Variants in SLC37A1 observed in about 807,000 individuals in gnomAD.
SLC37A1 encodes solute carrier family 37 member 1, also known as glucose-6-phosphate exchanger SLC37A1.
A neutral mutation model predicts 75.3 loss-of-function variants in SLC37A1; 49 were observed. That is an observed-to-expected ratio of 0.65 (90% CI 0.52 to 0.83). The LOEUF is 0.83. SLC37A1 is among the 40% of genes least tolerant of loss of function. The pLI, the probability that SLC37A1 is intolerant of heterozygous loss-of-function variation, is 0.00. For synonymous variants in SLC37A1, 268 were observed against 292.1 expected (o/e 0.92, Z 0.84); for missense variants, 566 against 695.0 (o/e 0.81, Z 2.09).
chr21:42,569,700 G>C (rs555120685), intron 17 of SLC37A1, among the ~76,000 whole-genome samples: 1 of 152,260 alleles, frequency 6.6e-6, no homozygotes, highest in East Asian at 1.9e-4. Flanking sequence ...CTCCCCATCC[G>C]CAGTGGGATT....
intron 17 of SLC37A1, 33 bp from the exon 18 acceptor site, chr21:42,574,785 C>G (rs370349859): frequency 1.2e-6 from 2 of 1,610,422 alleles, no homozygotes; most frequent in African/African-American, 1.3e-5. Flanking sequence ...TTTCTCTAAA[C>G]AGCACCATGT....
At chr21:42,578,768 A>G (rs1243472613) in intron 18 of SLC37A1, among the ~76,000 whole-genome samples, 3 of 152,182 alleles carry the variant, frequency 2.0e-5, no homozygotes, top group African/African-American at 7.2e-5. Flanking sequence ...CACCTCATAC[A>G]AGGGACTCCT....
rs2056271808 is a variant in SLC37A1, at chr21:42,574,857, C to T, written c.1463C>T (p.Pro488Leu). 4 of 1,614,160 alleles carry T rather than the reference C, an allele frequency of 2.5e-6. No individual in the cohort carries two copies. Among genetic ancestry groups the T allele is most frequent in the Non-Finnish European group, 3.4e-6 (4 of 1,180,022 alleles). ...CCCCTGCTGGCTGGGCTCCTCTCCC[C>T]GTCCGGCTGGAGCAATGTGTTTTAC... ...LGPLLAGLLS[P>L]SGWSNVFYML... is the part of the protein sequence containing the mutation. The change falls in exon 18 of 20, where the codon CCG (proline) becomes CTG (leucine). Residue 488 changes from proline to leucine, a missense_variant. Coordinates refer to ENST00000352133, the MANE Select transcript of SLC37A1 (RefSeq NM_001320537.2).
Position 42,534,837 on chromosome 21 carries a change from C to A in SLC37A1, c.271+7C>A. ...TGTGGCTGGGCACCGTTTGGTAAGT[C>A]GATTATCGGTCCGTCCAGGAGCCGA... On this transcript the variant is annotated splice_region_variant and intron_variant, in intron 4 of 19. Transcript: ENST00000352133. 6.2e-7 allele frequency: 1 copy of A among 1,613,002 alleles called. No homozygotes were observed. The highest frequency in any genetic ancestry group is 2.2e-5 in the East Asian group (1 of 44,856).
At chr21:42,551,008 G>A (rs988622375) in intron 9 of SLC37A1, among the ~76,000 whole-genome samples, 4 of 152,200 alleles carry the variant, frequency 2.6e-5, no homozygotes, top group Non-Finnish European at 4.4e-5. Context: ...CTGAGATCAG[G>A]AACAAGACTA....
At chr21:42,567,126 G>C in intron 16 of SLC37A1, 68 bp downstream of exon 16, 2 of 1,547,686 alleles carry the variant, frequency 1.3e-6, no homozygotes, top group Non-Finnish European at 1.8e-6. Flanking sequence ...GACAAAAGTG[G>C]CCTCCATTAC....
At chr21:42,526,757 C>T (rs2054805797) in intron 3 of SLC37A1, among the ~76,000 whole-genome samples, 1 of 152,206 alleles carries the variant, frequency 6.6e-6, no homozygotes, top group African/African-American at 2.4e-5. Context: ...AAAATTCCCC[C>T]TTGGCCCCTG....
In SLC37A1 at chr21:42,515,866, T is replaced by G. The variant is rs113660297; in HGVS notation, c.-179+1149T>G. Among the ~76,000 whole-genome samples the G allele has an allele frequency of 9.5e-3, 1,449 of 152,274 alleles. 13 individuals carry two copies. Among genetic ancestry groups the G allele is most frequent in the African/African-American group, 0.017 (704 of 41,562 alleles). On this transcript the variant is annotated intron_variant, in intron 1 of 19. Coordinates refer to ENST00000352133, the MANE Select transcript of SLC37A1 (RefSeq NM_001320537.2). Reference sequence around the variant, plus strand: ...CTCCGCTTCCCAGGTTCAAGTGATTTTCATGCCTCAGCCACCCGAGTAGCT... The same window carrying G: ...CTCCGCTTCCCAGGTTCAAGTGATTGTCATGCCTCAGCCACCCGAGTAGCT...
Position 42,514,194 on chromosome 21 carries a change from C to T in SLC37A1, c.-702C>T, listed in dbSNP as rs2146692348. On this transcript the variant is annotated 5_prime_UTR_variant, in exon 1 of 20. Coordinates refer to ENST00000352133, the MANE Select transcript of SLC37A1 (RefSeq NM_001320537.2). The surrounding 1 kb of genome is among the most constrained non-coding windows in gnomAD (Gnocchi z 4.8). ...GCGGAGGGAAGTCTTTGAAATACGA[C>T]ATCTAGAAGAGTGGCCCTCGGCGAC... 1 of 152,158 alleles carries T rather than the reference C, an allele frequency of 6.6e-6. No individual in the cohort carries two copies. The highest frequency in any genetic ancestry group is 1.5e-5 in the Non-Finnish European group (1 of 67,976). The allele number at this position is 152,158 out of a possible 1,614,324, so 9.4% of individuals were successfully genotyped here.
chr21:42,523,266 T>C (rs1398092309), intron 2 of SLC37A1, among the ~76,000 whole-genome samples: 1 of 152,138 alleles, frequency 6.6e-6, no homozygotes, highest in Non-Finnish European at 1.5e-5. Context: ...CCTGAGAACT[T>C]TGTTCACCTG....
intron 2 of SLC37A1, among the ~76,000 whole-genome samples, chr21:42,524,980 A>T (rs1209750626): frequency 6.6e-6 from 1 of 152,116 alleles, no homozygotes; most frequent in East Asian, 1.9e-4. Flanking sequence ...GAGCCCGCAG[A>T]GGTGGAGTGG....
At chr21:42,579,314 C>T (rs1295296816) in intron 18 of SLC37A1, among the ~76,000 whole-genome samples, 1 of 152,202 alleles carries the variant, frequency 6.6e-6, no homozygotes, top group Non-Finnish European at 1.5e-5. Flanking sequence ...TTTAGAGTCA[C>T]CTGAGAAGCT....
intron 17 of SLC37A1, among the ~76,000 whole-genome samples, chr21:42,572,588 T>A (rs2056204354): frequency 6.6e-6 from 1 of 150,716 alleles, no homozygotes; most frequent in Non-Finnish European, 1.5e-5. Flanking sequence ...TGTTTACTGA[T>A]GTTTCTCTGC....
At chr21:42,554,409 G>T (rs1272305874) in intron 10 of SLC37A1, among the ~76,000 whole-genome samples, 1 of 152,210 alleles carries the variant, frequency 6.6e-6, no homozygotes, top group Non-Finnish European at 1.5e-5. Context: ...TGGGGGCGGT[G>T]CTGGTGTAGA....
Position 42,547,554 on chromosome 21 carries a change from TCTC to T in SLC37A1, c.768+415_768+417del, listed in dbSNP as rs886809110. The T allele has an allele frequency of 5.7e-4, 108 of 190,052 alleles. No homozygotes were observed. Among genetic ancestry groups the T allele is most frequent in the African/African-American group, 2.3e-3 (100 of 42,576 alleles). 11.8% of individuals were successfully genotyped at this position (190,052 alleles called of 1,614,324 possible). A position where few individuals can be genotyped will look rare whatever the true frequency, so the allele number is the denominator to read the frequency against. On this transcript the variant is annotated intron_variant, in intron 9 of 19. Transcript: ENST00000352133. The surrounding 1 kb of genome is among the most constrained non-coding windows in gnomAD (Gnocchi z 6.1). ...GAGGTCTGCCCAGCACGCCATTCCT[TCTC>T]TTCTGTACCCCTGCCCAGCTCAGCC...
chr21:42,543,602 C>G lies in SLC37A1; in HGVS notation c.730C>G (p.His244Asp). Residue 244 changes from histidine (H) to aspartate (D), a missense_variant and splice_region_variant, in exon 8 of 20, where the codon CAT becomes GAT. Transcript: ENST00000352133. Reference protein sequence around the residue: ...GIVCFLFLIEHPNDVRCSSTL... With the variant: ...GIVCFLFLIEDPNDVRCSSTL... ...AGTGTGCTTTCTCTTCCTCATTGAACGTAAGTGCACGTGGCCTTGGAGACC... is the reference window on the plus strand; with the variant it reads ...AGTGTGCTTTCTCTTCCTCATTGAAGGTAAGTGCACGTGGCCTTGGAGACC... 6.3e-7 allele frequency: 1 copy of G among 1,593,140 alleles called. No homozygotes were observed. Among genetic ancestry groups the G allele is most frequent in the Non-Finnish European group, 8.6e-7 (1 of 1,167,778 alleles).
intron 17 of SLC37A1, among the ~76,000 whole-genome samples, chr21:42,572,838 C>T (rs528495139): frequency 6.6e-6 from 1 of 152,124 alleles, no homozygotes; most frequent in South Asian, 2.1e-4. Context: ...CTTGCTTTCA[C>T]GTTGGGGTGT....
intron 9 of SLC37A1, among the ~76,000 whole-genome samples, chr21:42,550,868 C>G (rs770879637): frequency 2.8e-4 from 42 of 151,500 alleles, no homozygotes; most frequent in Non-Finnish European, 5.7e-4. Context: ...GGACAAAATC[C>G]AGCACCCTTT....
chr21:42,512,672 G>A (rs923206672), upstream of SLC37A1, among the ~76,000 whole-genome samples: 1 of 152,262 alleles, frequency 6.6e-6, no homozygotes, highest in African/African-American at 2.4e-5. Flanking sequence ...GGGCCATCCC[G>A]CTTGCGGAAT....
Sources: allele counts gnomAD v4.1 joint callset (sites outside exome capture counted in the v4.1 genomes callset), GRCh38; gene constraint gnomAD v4.1.1; non-coding constraint Gnocchi (gnomAD v3.1); transcripts MANE v1.5; gene names NCBI Gene and HGNC (gene_info 2026-07-23, HGNC 2026-07-21).